Variants in AGBL4 observed in about 807,000 individuals in gnomAD.
AGBL4 encodes the protein cytosolic carboxypeptidase 6.
AGBL4 carries 58 observed loss-of-function variants against 66.4 expected under a neutral mutation model. The observed-to-expected ratio is 0.87, with a 90% CI of 0.71 to 1.09. The LOEUF is 1.09. AGBL4 is among the 50% of genes least tolerant of loss of function. The pLI, the probability that AGBL4 is intolerant of heterozygous loss-of-function variation, is 0.00. For missense variants in AGBL4, 579 were observed against 631.0 expected, an observed-to-expected ratio of 0.92 and a Z score of 0.88; for synonymous variants, 234 against 222.9, an observed-to-expected ratio of 1.05 and a Z score of -0.44.
chr1:49,739,374 G>C (rs1244432875), intron 2 of AGBL4, among the ~76,000 whole-genome samples: 3 of 152,124 alleles, frequency 2.0e-5, no homozygotes, highest in Non-Finnish European at 4.4e-5. Flanking sequence ...AAAAAGAAAT[G>C]AACAAAGCCT....
chr1:49,908,987 T>A (rs1350467750), intron 1 of AGBL4, among the ~76,000 whole-genome samples: 1 of 152,162 alleles, frequency 6.6e-6, no homozygotes, highest in Non-Finnish European at 1.5e-5. Context: ...TACTGAACCC[T>A]ATCTAAGAGA....
rs1644997732 is a variant in AGBL4, at chr1:49,603,319, A to G, written c.282+93994T>C. On this transcript the variant is annotated intron_variant, in intron 3 of 13. Coordinates refer to ENST00000371839, the MANE Select transcript of AGBL4 (RefSeq NM_032785.4). ...TTTGAAAGAAGCAAAAGACAAAGAA[A>G]TAAGAAAAACCTGACTCTGGCAAAG... Among the ~76,000 whole-genome samples, 3 of 152,132 alleles carry G rather than the reference A, an allele frequency of 2.0e-5. No homozygotes were observed. In the South Asian group the frequency reaches 6.2e-4, roughly 31 times the overall value.
At chr1:49,228,876 C>T (rs979052644) in intron 4 of AGBL4, among the ~76,000 whole-genome samples, 1 of 152,172 alleles carries the variant, frequency 6.6e-6, no homozygotes, top group African/African-American at 2.4e-5. Context: ...GCAAAATTGT[C>T]TCCTCCTGAA....
chr1:49,495,223 G>A (rs967483378), intron 3 of AGBL4, among the ~76,000 whole-genome samples: 1 of 152,034 alleles, frequency 6.6e-6, no homozygotes, highest in Non-Finnish European at 1.5e-5. Context: ...AAGAAATCCT[G>A]TGCTGATCTT....
intron 5 of AGBL4, among the ~76,000 whole-genome samples, chr1:48,938,205 C>A (rs758140287): frequency 1.3e-5 from 2 of 152,140 alleles, no homozygotes; most frequent in Non-Finnish European, 2.9e-5. Flanking sequence ...AAAGCACTGG[C>A]GTCTTACCTG....
At chr1:49,115,366 T>C (rs1288826518) in intron 4 of AGBL4, among the ~76,000 whole-genome samples, 1 of 152,206 alleles carries the variant, frequency 6.6e-6, no homozygotes, top group Non-Finnish European at 1.5e-5. Flanking sequence ...TTCTATGGTG[T>C]AGTTTTAGGA....
chr1:49,616,285 C>G (rs889275160), intron 3 of AGBL4, among the ~76,000 whole-genome samples: 1 of 152,126 alleles, frequency 6.6e-6, no homozygotes, highest in African/African-American at 2.4e-5. Flanking sequence ...CAATCCACAT[C>G]CCTCAATTTA....
intron 2 of AGBL4, among the ~76,000 whole-genome samples, chr1:49,816,905 A>G (rs569836693): frequency 1.2e-4 from 19 of 152,318 alleles, no homozygotes; most frequent in Admixed American, 1.2e-3. Context: ...TGAGAAAGGT[A>G]AAGGTCTAAG....
chr1:48,980,836 T>G (rs3122293), intron 5 of AGBL4, among the ~76,000 whole-genome samples: 61,080 of 146,150 alleles, frequency 0.42, 14,549 homozygotes, highest in Non-Finnish European at 0.54. Context: ...TGTTTGAACT[T>G]ACTATTAATA....
intron 9 of AGBL4, among the ~76,000 whole-genome samples, chr1:48,627,983 G>A (rs893423519): frequency 2.0e-5 from 3 of 152,092 alleles, no homozygotes; most frequent in South Asian, 2.1e-4. Flanking sequence ...TTCTTCCCAC[G>A]TAGTCTCACC....
intron 6 of AGBL4, among the ~76,000 whole-genome samples, chr1:48,831,794 A>C (rs1218968226): frequency 6.6e-6 from 1 of 152,200 alleles, no homozygotes; most frequent in Non-Finnish European, 1.5e-5. Flanking sequence ...TGAATGAATA[A>C]ACACATGTTG....
At chr1:48,974,977 C>T (rs181917658) in intron 5 of AGBL4, among the ~76,000 whole-genome samples, 12 of 152,166 alleles carry the variant, frequency 7.9e-5, no homozygotes, top group African/African-American at 2.9e-4. Flanking sequence ...TATCTTGACT[C>T]CCACAGATCA....
intron 1 of AGBL4, among the ~76,000 whole-genome samples, chr1:49,989,415 G>A (rs892259813): frequency 6.6e-6 from 1 of 152,114 alleles, no homozygotes; most frequent in Admixed American, 6.5e-5. Context: ...GCAGAGACAT[G>A]GTACATAGAT....
intron 6 of AGBL4, among the ~76,000 whole-genome samples, chr1:48,744,114 A>C (rs1411358460): frequency 6.6e-6 from 1 of 152,178 alleles, no homozygotes. Flanking sequence ...CAGATATAGA[A>C]CCTGGCAGAG....
intron 3 of AGBL4, among the ~76,000 whole-genome samples, chr1:49,534,688 C>A (rs1043437155): frequency 2.6e-5 from 4 of 152,198 alleles, no homozygotes; most frequent in Non-Finnish European, 5.9e-5. Context: ...AGAGGGAGAT[C>A]TTCCCAGATA....
chr1:48,609,567 C>T (rs1645205288), intron 9 of AGBL4, among the ~76,000 whole-genome samples: 2 of 152,024 alleles, frequency 1.3e-5, no homozygotes, highest in Non-Finnish European at 2.9e-5. Context: ...GACCTATAGG[C>T]ACATGCCACC....
At chr1:49,086,886 C>T (rs772526065) in intron 4 of AGBL4, among the ~76,000 whole-genome samples, 20 of 151,972 alleles carry the variant, frequency 1.3e-4, no homozygotes, top group Non-Finnish European at 1.8e-4. Context: ...GACCAGAGCA[C>T]CCAAACAAAG....
At chr1:49,448,449 A>G (rs1209779919) in intron 3 of AGBL4, among the ~76,000 whole-genome samples, 1 of 152,174 alleles carries the variant, frequency 6.6e-6, no homozygotes, top group East Asian at 1.9e-4. Flanking sequence ...CCCGATTCAG[A>G]ATGAAGTCTC....
intron 4 of AGBL4, among the ~76,000 whole-genome samples, chr1:49,089,240 A>T (rs1001688971): frequency 1.3e-5 from 2 of 151,376 alleles, no homozygotes; most frequent in African/African-American, 2.4e-5. Flanking sequence ...GAAGACAAGA[A>T]ATCACCAAAT....
Sources: gnomAD v4.1 joint callset for allele counts (sites outside exome capture counted in the v4.1 genomes callset) on GRCh38, gnomAD v4.1.1 for gene constraint, MANE v1.5 for transcripts, NCBI Gene and HGNC (gene_info 2026-07-23, HGNC 2026-07-21) for gene names.